ASCC1: variants seen among roughly 807,000 people sequenced by gnomAD.
ASCC1 encodes activating signal cointegrator 1 complex subunit 1, also known as ASC-1 complex subunit P50.
Under a neutral mutation model 46.6 loss-of-function variants are expected in ASCC1, and 35 were observed. The ratio of observed to expected loss-of-function variants is 0.75; its 90% confidence interval spans 0.57 to 0.99. The LOEUF (loss-of-function observed/expected upper bound fraction) is 0.99. Ranked by LOEUF, ASCC1 falls within the 50% of genes least tolerant of loss-of-function variation. ASCC1 has a pLI of 0.00. For synonymous variants in ASCC1, 143 were observed against 146.6 expected (o/e 0.98, Z 0.18); for missense variants, 376 against 428.7 (o/e 0.88, Z 1.09).
chr10:72,107,665 T>A (rs1308591601), intron 9 of ASCC1, among the ~76,000 whole-genome samples: 5 of 152,196 alleles, frequency 3.3e-5, no homozygotes, highest in African/African-American at 7.2e-5. Flanking sequence ...TACAAAAAAA[T>A]TGATATTTCT....
At chr10:72,154,895 A>C (rs986159813) in intron 6 of ASCC1, among the ~76,000 whole-genome samples, 1 of 152,214 alleles carries the variant, frequency 6.6e-6, no homozygotes, top group Non-Finnish European at 1.5e-5. Flanking sequence ...ATAAATTATA[A>C]TACTAAGAGC....
chr10:72,177,863 C>T (rs1852048948), intron 5 of ASCC1, among the ~76,000 whole-genome samples: 2 of 152,256 alleles, frequency 1.3e-5, no homozygotes, highest in Middle Eastern at 3.4e-3. Context: ...TGAAGAATAC[C>T]TTGCTAATGT....
At chr10:72,099,170 A>T (rs1424103387) in intron 9 of ASCC1, among the ~76,000 whole-genome samples, 1 of 152,174 alleles carries the variant, frequency 6.6e-6, no homozygotes, top group Non-Finnish European at 1.5e-5. Context: ...AGTAGTGGGG[A>T]GGCCACAGTG....
chr10:72,194,869 A>G (rs1243661588), intron 5 of ASCC1, among the ~76,000 whole-genome samples: 1 of 151,708 alleles, frequency 6.6e-6, no homozygotes, highest in Non-Finnish European at 1.5e-5. Flanking sequence ...CAGCCTCTCA[A>G]GTAGCTAGGA....
chr10:72,123,507 G>T lies in ASCC1; in HGVS notation c.957+4575C>A, dbSNP rs143562685. Among the ~76,000 whole-genome samples the T allele has an allele frequency of 6.4e-3, 980 of 152,178 alleles. 8 individuals are homozygous for T. Among genetic ancestry groups the T allele is most frequent in the African/African-American group, 0.022 (918 of 41,518 alleles). On this transcript the variant is annotated intron_variant, in intron 9 of 9. Transcript: ENST00000672957. ...CAATGTGGTATCAGATGCCAATAGT[G>T]GGGGAGGCTGTGCGTGTGCAGGGAT...
chr10:72,205,399 G>T (rs992061437), intron 3 of ASCC1, among the ~76,000 whole-genome samples: 27 of 152,180 alleles, frequency 1.8e-4, no homozygotes, highest in African/African-American at 6.0e-4. Flanking sequence ...CGAGGCCGAG[G>T]TGGGGGGGAT....
At chr10:72,171,090 T>C (rs531149512) in intron 5 of ASCC1, among the ~76,000 whole-genome samples, 1 of 152,318 alleles carries the variant, frequency 6.6e-6, no homozygotes, top group Admixed American at 6.5e-5. Context: ...TAGTGAAATA[T>C]TAACAATAGG....
chr10:72,127,489 A>G (rs1265263200), intron 9 of ASCC1, among the ~76,000 whole-genome samples: 2 of 152,186 alleles, frequency 1.3e-5, no homozygotes, highest in Non-Finnish European at 2.9e-5. Context: ...AATGGCTTAT[A>G]AAGCCACTGC....
At chr10:72,157,362 T>C (rs575326969) in intron 6 of ASCC1, among the ~76,000 whole-genome samples, 18 of 152,198 alleles carry the variant, frequency 1.2e-4, no homozygotes, top group Non-Finnish European at 2.6e-4. Flanking sequence ...TCACACTAAA[T>C]ACACATCCTC....
intron 3 of ASCC1, among the ~76,000 whole-genome samples, chr10:72,208,110 A>G (rs570552524): frequency 6.6e-6 from 1 of 152,096 alleles, no homozygotes; most frequent in African/African-American, 2.4e-5. Context: ...GATTACAGGT[A>G]TGAGCCACCA....
intron 7 of ASCC1, among the ~76,000 whole-genome samples, chr10:72,150,183 C>T (rs927668096): frequency 2.7e-5 from 4 of 148,550 alleles, no homozygotes; most frequent in Non-Finnish European, 5.9e-5. Flanking sequence ...AAAACTCTGT[C>T]TCAAAAAAAA....
chr10:72,187,174 A>C (rs1853585044), intron 5 of ASCC1, among the ~76,000 whole-genome samples: 1 of 152,138 alleles, frequency 6.6e-6, no homozygotes, highest in Non-Finnish European at 1.5e-5. Flanking sequence ...CTAAGAACGA[A>C]GTCATCTTGT....
intron 6 of ASCC1, among the ~76,000 whole-genome samples, chr10:72,160,944 G>A (rs1399508613): frequency 2.6e-5 from 4 of 151,714 alleles, no homozygotes; most frequent in Admixed American, 2.6e-4. Flanking sequence ...TTAGCCGGAC[G>A]CGGTGGCGGG....
At chr10:72,138,329 C>A (rs991260024) in intron 7 of ASCC1, among the ~76,000 whole-genome samples, 1 of 152,084 alleles carries the variant, frequency 6.6e-6, no homozygotes, top group African/African-American at 2.4e-5. Flanking sequence ...ACATGAAACA[C>A]GAAGCATGAA....
intron 9 of ASCC1, among the ~76,000 whole-genome samples, chr10:72,107,028 T>A (rs918482709): frequency 6.6e-6 from 1 of 152,144 alleles, no homozygotes; most frequent in Non-Finnish European, 1.5e-5. Flanking sequence ...TGAAAAGCTA[T>A]CATCACAGCC....
chr10:72,111,648 CT>C (rs139376424), intron 9 of ASCC1, among the ~76,000 whole-genome samples: 73 of 148,628 alleles, frequency 4.9e-4, no homozygotes, highest in African/African-American at 1.4e-3. Flanking sequence ...AAGACAGCAT[CT>C]TTTTTTTTTG....
intron 8 of ASCC1, among the ~76,000 whole-genome samples, chr10:72,131,476 A>ACACACACACACT (rs1455597730): frequency 8.2e-5 from 12 of 146,066 alleles, no homozygotes; most frequent in South Asian, 4.4e-4. Context: ...ACACACACAC[A>ACACACACACACT]CTCAACTGGA....
chr10:72,189,912 G>C (rs1417788332), intron 5 of ASCC1: 1 of 671,232 alleles, frequency 1.5e-6, no homozygotes, highest in Non-Finnish European at 2.7e-6. Context: ...CAGCCTTTCT[G>C]TCTGGCGGCA....
At chr10:72,154,243 C>T (rs940816051) in intron 6 of ASCC1, among the ~76,000 whole-genome samples, 7 of 152,108 alleles carry the variant, frequency 4.6e-5, no homozygotes, top group Non-Finnish European at 1.0e-4. Flanking sequence ...TAGAATCTTG[C>T]AACTCCTGAT....
Sources: gnomAD v4.1 joint callset for allele counts (sites outside exome capture counted in the v4.1 genomes callset) on GRCh38, gnomAD v4.1.1 for gene constraint, MANE v1.5 for transcripts, NCBI Gene and HGNC (gene_info 2026-07-23, HGNC 2026-07-21) for gene names.